Variants in BDP1 observed in about 807,000 individuals in gnomAD.
The protein encoded by BDP1 is transcription factor TFIIIB component B'' homolog.
A neutral mutation model predicts 266.6 loss-of-function variants in BDP1; 169 were observed. That is an observed-to-expected ratio of 0.63 (90% confidence interval 0.56 to 0.72). The LOEUF (loss-of-function observed/expected upper bound fraction) is 0.72. Ranked by LOEUF, BDP1 falls within the 30% of genes least tolerant of loss-of-function variation. The pLI, the probability that BDP1 is intolerant of heterozygous loss-of-function variation, is 0.00. For synonymous variants in BDP1, 1,090 were observed against 1,022.4 expected, an observed-to-expected ratio of 1.07 and a Z score of -1.26; for missense variants, 3,015 against 3,053.8, an observed-to-expected ratio of 0.99 and a Z score of 0.30.
chr5:71,526,853 T>G (rs1017156009), intron 25 of BDP1, among the ~76,000 whole-genome samples: 2 of 151,814 alleles, frequency 1.3e-5, no homozygotes, highest in Admixed American at 6.6e-5. Context: ...GCCTGATTAA[T>G]TTTTGTATTT....
intron 18 of BDP1, 44 bp downstream of exon 18, chr5:71,512,472 C>G: frequency 7.8e-7 from 1 of 1,284,572 alleles, no homozygotes; most frequent in African/African-American, 1.5e-5. Flanking sequence ...GTTATAGTTG[C>G]AGATTACGTT....
intron 7 of BDP1, among the ~76,000 whole-genome samples, chr5:71,479,732 G>C (rs1385644180): frequency 1.3e-5 from 2 of 151,146 alleles, no homozygotes; most frequent in East Asian, 2.0e-4. Context: ...ATTTTTAGTA[G>C]AGACGGGGTT....
chr5:71,564,762 T>C lies in BDP1; in HGVS notation c.7752T>C (p.Cys2584=). 6.3e-7 allele frequency: 1 copy of C among 1,595,480 alleles called. No individual in the cohort carries two copies. The highest frequency in any genetic ancestry group is 8.5e-7 in the Non-Finnish European group (1 of 1,175,866). Residue 2584 remains cysteine (C), a synonymous_variant, in exon 39 of 39, where the codon TGT becomes TGC. Transcript: ENST00000358731. ...NISSSATQVS[C]DQPLLKEGYK... Reference sequence around the variant, plus strand: ...TTTTATTACCTTTTTAGGTTTCTTGTGATCAGCCCTTACTGAAAGAAGGAT... The same window carrying C: ...TTTTATTACCTTTTTAGGTTTCTTGCGATCAGCCCTTACTGAAAGAAGGAT...
Position 71,522,351 on chromosome 5 carries a change from C to G in BDP1, c.5054C>G (p.Ala1685Gly), listed in dbSNP as rs12187104. The G allele has an allele frequency of 6.2e-7, 1 of 1,613,880 alleles. No homozygotes were observed. Among genetic ancestry groups the G allele is most frequent in the South Asian group, 1.1e-5 (1 of 91,078 alleles). The change falls in exon 23 of 39, where the codon GCT (alanine) becomes GGT (glycine). Residue 1685 changes from alanine (A) to glycine (G), a missense_variant. Physicochemically the swap from Ala to Gly is moderately conservative, Grantham distance 60. Coordinates refer to ENST00000358731, the MANE Select transcript of BDP1 (RefSeq NM_018429.3). ...ATGACAAGAAGGAAATTCCAAAAGG[C>G]TAAGCCAAATTTGGGAAGAGCACAC... The part of the protein sequence containing the change: ...AQMTRRKFQK[A>G]KPNLGRAHSK...
intron 8 of BDP1, among the ~76,000 whole-genome samples, chr5:71,485,257 C>G (rs939568412): frequency 1.3e-5 from 2 of 152,132 alleles, no homozygotes; most frequent in Non-Finnish European, 2.9e-5. Flanking sequence ...CGAGGCCAGC[C>G]TGGGCAACAC....
At chr5:71,573,805 G>T in the BDP1 span, among the ~76,000 whole-genome samples, 1 of 152,286 alleles carries the variant, frequency 6.6e-6, no homozygotes, top group East Asian at 1.9e-4. Flanking sequence ...AGTGTGTACA[G>T]GCCACTAAAC....
At chr5:71,514,284 T>C (rs1765102147) in intron 19 of BDP1, among the ~76,000 whole-genome samples, 1 of 152,178 alleles carries the variant, frequency 6.6e-6, no homozygotes, top group South Asian at 2.1e-4. Context: ...GCATCAACAT[T>C]TGTACTATTT....
chr5:71,538,504 T>G (rs1243537686), intron 26 of BDP1, among the ~76,000 whole-genome samples: 1 of 152,234 alleles, frequency 6.6e-6, no homozygotes, highest in Non-Finnish European at 1.5e-5. Context: ...TTGCTTTTTG[T>G]CGTTAGGATC....
intron 33 of BDP1, 24 bp downstream of exon 33, chr5:71,548,769 A>G: frequency 6.7e-7 from 1 of 1,493,602 alleles, no homozygotes; most frequent in Non-Finnish European, 9.3e-7. Flanking sequence ...CTTCAGTGAC[A>G]TGTCATAGAA....
chr5:71,561,992 T>C (rs2112107429), intron 37 of BDP1, among the ~76,000 whole-genome samples: 1 of 151,690 alleles, frequency 6.6e-6, no homozygotes, highest in East Asian at 1.9e-4. Flanking sequence ...CGCCTGTAAT[T>C]CCAGCACTTT....
At chr5:71,533,906 A>T (rs920917338) in intron 26 of BDP1, among the ~76,000 whole-genome samples, 1 of 152,138 alleles carries the variant, frequency 6.6e-6, no homozygotes, top group South Asian at 2.1e-4. Context: ...AGAAATGTCT[A>T]TTCAAATCTT....
At chr5:71,516,714 G>T (rs901846648) in intron 21 of BDP1, among the ~76,000 whole-genome samples, 1 of 152,086 alleles carries the variant, frequency 6.6e-6, no homozygotes, top group African/African-American at 2.4e-5. Context: ...CATTTTTGCT[G>T]TATAACATGC....
chr5:71,520,062 A>G (rs1315807019), intron 22 of BDP1, among the ~76,000 whole-genome samples: 3 of 152,334 alleles, frequency 2.0e-5, no homozygotes, highest in East Asian at 3.9e-4. Context: ...GTGATGATTA[A>G]TGATGTTGAA....
At chr5:71,563,651 G>A (rs528858890) in intron 38 of BDP1, among the ~76,000 whole-genome samples, 1 of 152,290 alleles carries the variant, frequency 6.6e-6, no homozygotes, top group East Asian at 1.9e-4. Flanking sequence ...GGTGGCTCAC[G>A]CCTGTAATCC....
chr5:71,532,335 G>A lies in BDP1; in HGVS notation c.5800G>A (p.Val1934Ile), dbSNP rs1580160464. The A allele has an allele frequency of 1.9e-6, 3 of 1,613,590 alleles. No individual in the cohort carries two copies. Among genetic ancestry groups the A allele is most frequent in the Admixed American group, 1.7e-5 (1 of 60,002 alleles). ...TGAAATAACTGTGAATGTCCCAGAT[G>A]TAGGATGCATAGCTGTTGTTGAACA... ...ELEITVNVPD[V>I]GCIAVVEHEL... is the part of the protein sequence containing the mutation. Residue 1934 changes from valine (V) to isoleucine (I), a missense_variant, in exon 26 of 39, where the codon GTA becomes ATA. Transcript: ENST00000358731.
At position 71,489,610 on chromosome 5, in the gene BDP1, G is replaced by C. The variant is rs562013754; in HGVS notation, c.1420G>C (p.Glu474Gln). 2 of 1,614,086 alleles carry C rather than the reference G, an allele frequency of 1.2e-6. No homozygotes were observed. The highest frequency in any genetic ancestry group is 1.3e-5 in the African/African-American group (1 of 75,062). ...RRRKKQDGAN[E>Q]LGVNNLLENA... ...GAGGAAGAAGCAAGATGGAGCTAAT[G>C]AACTGGGAGTAAACAATCTTTTAGA... The change falls in exon 10 of 39, where the codon GAA (glutamate) becomes CAA (glutamine). Residue 474 changes from glutamate (E) to glutamine (Q), a missense_variant. This residue lies in a region of BDP1 where 2,383 missense variants were observed against 2,404.9 expected (regional missense o/e 0.99). Coordinates refer to ENST00000358731, the MANE Select transcript of BDP1 (RefSeq NM_018429.3).
At position 71,509,876 on chromosome 5, in the gene BDP1, T is replaced by G. The variant is rs1241192802; in HGVS notation, c.2784T>G (p.Asp928Glu). The G allele has an allele frequency of 1.2e-6, 2 of 1,612,512 alleles. No individual in the cohort carries two copies. The highest frequency in any genetic ancestry group is 1.7e-6 in the Non-Finnish European group (2 of 1,179,562). Residue 928 changes from aspartate to glutamate, a missense_variant, in exon 17 of 39, where the codon GAT (aspartate) becomes GAG (glutamate). By Grantham distance (45) the Asp-to-Glu change is conservative (BLOSUM62 2). This residue lies in a region of BDP1 where 2,383 missense variants were observed against 2,404.9 expected (regional missense o/e 0.99). Coordinates refer to ENST00000358731, the MANE Select transcript of BDP1 (RefSeq NM_018429.3). ...VIDATEEIDK[D>E]LEEAGRREIS... ...ATGCCACTGAGGAAATAGACAAAGA[T>G]TTGGAAGAAGCTGGAAGAAGAGAAA...
chr5:71,544,816 C>T (rs1415621934), intron 31 of BDP1, among the ~76,000 whole-genome samples: 1 of 131,430 alleles, frequency 7.6e-6, no homozygotes, highest in Non-Finnish European at 1.5e-5. Flanking sequence ...GGAGACGGAG[C>T]TTGCAGTGAG....
intron 16 of BDP1, among the ~76,000 whole-genome samples, chr5:71,507,243 T>G (rs1480206336): frequency 1.3e-5 from 2 of 152,234 alleles, no homozygotes; most frequent in African/African-American, 4.8e-5. Context: ...ATCCTCTTGT[T>G]TTGCCTTTCT....
Sources: gnomAD v4.1 joint callset for allele counts (sites outside exome capture counted in the v4.1 genomes callset) on GRCh38, gnomAD v4.1.1 for gene constraint, gnomAD v4.1.1 regional missense constraint, MANE v1.5 for transcripts, NCBI Gene and HGNC (gene_info 2026-07-23, HGNC 2026-07-21) for gene names.